The following HMCN1 variants were observed in gnomAD, a reference collection of about 807,000 sequenced individuals.
HMCN1 encodes hemicentin-1.
Under a neutral mutation model 625.9 loss-of-function variants are expected in HMCN1, and 321 were observed. The ratio of observed to expected loss-of-function variants is 0.51; its 90% CI spans 0.47 to 0.56. The LOEUF (loss-of-function observed/expected upper bound fraction) is 0.56. HMCN1 is among the 20% of genes least tolerant of loss of function. The probability of loss-of-function intolerance (pLI) is 0.00; values close to 1 mark genes in which losing one functional copy is unlikely to be tolerated. For missense variants in HMCN1, 6,588 were observed against 6,887.3 expected (o/e 0.96, Z 1.54); for synonymous variants, 2,425 against 2,417.6 (o/e 1.00, Z -0.09).
chr1:186,083,959 C>G (rs1205377706), intron 57 of HMCN1, among the ~76,000 whole-genome samples: 1 of 152,150 alleles, frequency 6.6e-6, no homozygotes, highest in African/African-American at 2.4e-5. Flanking sequence ...ATTAATTAAA[C>G]AAACATAATC....
chr1:185,859,581 G>A (rs1199259221), intron 2 of HMCN1, among the ~76,000 whole-genome samples: 1 of 152,012 alleles, frequency 6.6e-6, no homozygotes. Flanking sequence ...CATTTCAAGT[G>A]CTTAATAGCC....
intron 34 of HMCN1, 25 bp from the exon 35 acceptor site, chr1:186,019,516 C>A: frequency 1.3e-6 from 2 of 1,576,882 alleles, no homozygotes; most frequent in Non-Finnish European, 1.7e-6. Flanking sequence ...TGGTTTCATT[C>A]CCTCTCCCCC....
intron 1 of HMCN1, among the ~76,000 whole-genome samples, chr1:185,768,230 T>C (rs1377654337): frequency 1.3e-5 from 2 of 152,226 alleles, no homozygotes; most frequent in African/African-American, 2.4e-5. Flanking sequence ...ATGACTCTCA[T>C]AGGTGACAGT....
intron 2 of HMCN1, among the ~76,000 whole-genome samples, chr1:185,858,501 C>CACT (rs1313741828): frequency 7.1e-6 from 1 of 141,274 alleles, no homozygotes; most frequent in Non-Finnish European, 1.5e-5. Context: ...AATCATGGTT[C>CACT]ACTGCAGTCT....
chr1:186,086,365 G>T lies in HMCN1; in HGVS notation c.9004G>T (p.Glu3002Ter). 6.2e-7 allele frequency: 1 copy of T among 1,613,310 alleles called. No individual in the cohort carries two copies. The highest frequency in any genetic ancestry group is 1.1e-5 in the South Asian group (1 of 91,068). ...TCCTGACCTCAGCTGGCTCAAGAAT[G>T]AACAGCCCATCAAACTGAACACAAA... is the stretch of plus-strand genomic sequence containing the variant. ...PPPDLSWLKN[E>*]QPIKLNTNTL... Residue 3002 changes from glutamate to a stop codon, truncating the protein, a stop_gained, in exon 58 of 107, where the codon GAA (glutamate) becomes TAA (stop). Coordinates refer to ENST00000271588, the MANE Select transcript of HMCN1 (RefSeq NM_031935.3). LOFTEE classifies it high-confidence loss of function.
chr1:186,115,589 T>A (rs1245694402), intron 75 of HMCN1, among the ~76,000 whole-genome samples, 175 bp downstream of exon 75: 1 of 152,204 alleles, frequency 6.6e-6, no homozygotes, highest in African/African-American at 2.4e-5. Flanking sequence ...TTTTTCTGAA[T>A]TATAGGTCAT....
chr1:185,817,529 G>T (rs1025024554), intron 1 of HMCN1, among the ~76,000 whole-genome samples: 1 of 152,142 alleles, frequency 6.6e-6, no homozygotes, highest in Non-Finnish European at 1.5e-5. Context: ...ACATGATAAA[G>T]CAGTGAAGAA....
At chr1:185,819,539 G>A (rs73072046) in intron 1 of HMCN1, among the ~76,000 whole-genome samples, 8,912 of 152,044 alleles carry the variant, frequency 0.059, 883 homozygotes, top group African/African-American at 0.2. Flanking sequence ...ATATAAGTTA[G>A]TCAGAAATTG....
chr1:185,838,016 C>T (rs1469955312), intron 1 of HMCN1, among the ~76,000 whole-genome samples: 2 of 152,178 alleles, frequency 1.3e-5, no homozygotes, highest in Admixed American at 1.3e-4. Context: ...AGAGAAGATC[C>T]TCCAGGCATG....
chr1:186,001,112 A>G (rs1046386898), intron 26 of HMCN1, among the ~76,000 whole-genome samples, 186 bp from the exon 27 acceptor site: 1 of 152,094 alleles, frequency 6.6e-6, no homozygotes, highest in African/African-American at 2.4e-5. Flanking sequence ...AAATCCAATA[A>G]GGGTTGTTAT....
intron 11 of HMCN1, among the ~76,000 whole-genome samples, chr1:185,943,303 G>C (rs1278828908): frequency 2.6e-5 from 4 of 152,198 alleles, no homozygotes; most frequent in Non-Finnish European, 5.9e-5. Flanking sequence ...ATCTGAAATG[G>C]AGGCACTTCA....
chr1:185,744,903 A>G (rs1654280726), intron 1 of HMCN1, among the ~76,000 whole-genome samples: 1 of 152,196 alleles, frequency 6.6e-6, no homozygotes. Context: ...GATTGGAACA[A>G]GGGAGTCCTG....
chr1:185,918,058 G>A (rs1291641063), intron 6 of HMCN1, among the ~76,000 whole-genome samples: 1 of 152,150 alleles, frequency 6.6e-6, no homozygotes, highest in Non-Finnish European at 1.5e-5. Context: ...AGAAATAATA[G>A]GATATATACA....
chr1:186,091,176 T>G (rs1266193218), intron 64 of HMCN1, among the ~76,000 whole-genome samples: 1 of 152,044 alleles, frequency 6.6e-6, no homozygotes, highest in Non-Finnish European at 1.5e-5. Flanking sequence ...TAACTTTAAC[T>G]CATTAACTGT....
At chr1:185,916,811 T>TTCAC (rs1331556778) in intron 6 of HMCN1, among the ~76,000 whole-genome samples, 18 of 152,092 alleles carry the variant, frequency 1.2e-4, no homozygotes, top group Non-Finnish European at 2.4e-4. Flanking sequence ...TGGGGTCTGG[T>TTCAC]AGAGTATTCT....
chr1:186,038,572 A>G (rs1655992079), intron 37 of HMCN1, among the ~76,000 whole-genome samples: 1 of 152,184 alleles, frequency 6.6e-6, no homozygotes, highest in Admixed American at 6.6e-5. Flanking sequence ...TTGCTATTAA[A>G]TAATACTGAT....
Position 186,015,161 on chromosome 1 carries a change from C to A in HMCN1, c.4633C>A (p.Pro1545Thr). ...AKDIKLTIYI[P>T]PSIKGGNVTT... ...TTTTGTTCTGAAATCCTTTGTAGTT[C>A]CACCTAGTATTAAAGGAGGAAATGT... The change falls in exon 31 of 107, where the codon CCA becomes ACA. Residue 1545 changes from proline to threonine, a missense_variant and splice_region_variant. Around this residue, in one of 3 missense-constraint regions of HMCN1, gnomAD observed 4,628 missense variants for 4,853.1 expected, o/e 0.95. Transcript: ENST00000271588. 6.2e-7 allele frequency: 1 copy of A among 1,606,032 alleles called. No individual in the cohort carries two copies. Among genetic ancestry groups the A allele is most frequent in the Non-Finnish European group, 8.5e-7 (1 of 1,173,062 alleles).
Position 186,095,534 on chromosome 1 carries a change from T to C in HMCN1, c.10573+13T>C, listed in dbSNP as rs201574835. 3.7e-6 allele frequency: 6 copies of C among 1,610,224 alleles called. No individual in the cohort carries two copies. The highest frequency in any genetic ancestry group is 1.7e-4 in the Middle Eastern group (1 of 6,040). ...CTCAAGGTCCTAGGTATGTAAACAT[T>C]GTGGTAAATGTAGAATAATTGGAAA... On this transcript the variant is annotated intron_variant, in intron 68 of 106. Coordinates refer to ENST00000271588, the MANE Select transcript of HMCN1 (RefSeq NM_031935.3).
At chr1:185,772,234 A>G (rs1351146623) in intron 1 of HMCN1, among the ~76,000 whole-genome samples, 1 of 152,178 alleles carries the variant, frequency 6.6e-6, no homozygotes, top group African/African-American at 2.4e-5. Flanking sequence ...TCTGTGAGTG[A>G]TGAAGAACCA....
Sources: allele counts gnomAD v4.1 joint callset (sites outside exome capture counted in the v4.1 genomes callset), GRCh38; gene constraint gnomAD v4.1.1; regional missense constraint gnomAD v4.1.1; transcripts MANE v1.5; gene names NCBI Gene and HGNC (gene_info 2026-07-23, HGNC 2026-07-21).